CLEC16A: variants seen among roughly 807,000 people sequenced by gnomAD.
The protein encoded by CLEC16A is protein CLEC16A.
Under a neutral mutation model 109.5 loss-of-function variants are expected in CLEC16A, and 51 were observed. That is an observed-to-expected ratio of 0.47 (90% confidence interval 0.37 to 0.59). The LOEUF (loss-of-function observed/expected upper bound fraction) is 0.59, where lower values mean the gene tolerates loss of function less well. CLEC16A is among the 20% of genes least tolerant of loss of function. The probability of loss-of-function intolerance (pLI) is 0.00; values close to 1 mark genes in which losing one functional copy is unlikely to be tolerated. For synonymous variants in CLEC16A, 673 were observed against 564.2 expected (o/e 1.19, Z -2.73); for missense variants, 1,339 against 1,394.0 (o/e 0.96, Z 0.63).
At chr16:11,031,475 G>A (rs1345929739) in intron 13 of CLEC16A, among the ~76,000 whole-genome samples, 1 of 152,222 alleles carries the variant, frequency 6.6e-6, no homozygotes, top group African/African-American at 2.4e-5. Context: ...TCCCGCCTGG[G>A]CATCCTACCT....
intron 9 of CLEC16A, among the ~76,000 whole-genome samples, chr16:10,980,031 C>T (rs1255531489): frequency 2.0e-5 from 3 of 152,198 alleles, no homozygotes; most frequent in Non-Finnish European, 4.4e-5. Context: ...ACAAGCAGTC[C>T]AGACTCTCAG....
Position 11,051,518 on chromosome 16 carries a change from G to A in CLEC16A, c.1872G>A (p.Lys624=). Residue 624 remains lysine, a synonymous_variant, in exon 18 of 24, where the codon AAG becomes AAA. Coordinates refer to ENST00000409790, the MANE Select transcript of CLEC16A (RefSeq NM_015226.3). The part of the protein sequence containing the change: ...FEDEYRSMTM[K]PMNVEYLMMD... The stretch of plus-strand genomic sequence containing the variant: ...TCCTGTAATGTCTCTTCTAGATGAA[G>A]CCCATGAACGTGGAATATCTCATGA... 1 of 1,613,598 alleles carries A rather than the reference G, an allele frequency of 6.2e-7. No homozygotes were observed. Among genetic ancestry groups the A allele is most frequent in the African/African-American group, 1.3e-5 (1 of 75,058 alleles).
intron 18 of CLEC16A, among the ~76,000 whole-genome samples, chr16:11,056,402 C>G (rs528214474): frequency 6.6e-6 from 1 of 152,214 alleles, no homozygotes; most frequent in South Asian, 2.1e-4. Flanking sequence ...ATGGAGCAGT[C>G]TAGTATGTAA....
In CLEC16A at chr16:11,044,008, C is replaced by T; in HGVS notation, c.1771-20C>T. The T allele has an allele frequency of 6.3e-7, 1 of 1,590,440 alleles. No individual in the cohort carries two copies. On this transcript the variant is annotated intron_variant, in intron 15 of 23. Transcript: ENST00000409790. Reference sequence around the variant, plus strand: ...CTATATGAGACCTGCCTCCTTCACACCTTCCTTCTCTTTTAACAGGGTGCG... The same window carrying T: ...CTATATGAGACCTGCCTCCTTCACATCTTCCTTCTCTTTTAACAGGGTGCG...
chr16:11,122,324 T>C (rs2052481320), intron 20 of CLEC16A, among the ~76,000 whole-genome samples: 2 of 152,234 alleles, frequency 1.3e-5, no homozygotes, highest in South Asian at 4.1e-4. Flanking sequence ...AAACACTCCA[T>C]GTAAGACATT....
chr16:10,996,652 T>G (rs1221173052), intron 10 of CLEC16A, among the ~76,000 whole-genome samples: 1 of 152,022 alleles, frequency 6.6e-6, no homozygotes, highest in Non-Finnish European at 1.5e-5. Flanking sequence ...GCCCCATCAC[T>G]CTTGTGTGAA....
chr16:11,003,765 T>C (rs1337635033), intron 11 of CLEC16A, among the ~76,000 whole-genome samples: 6 of 152,146 alleles, frequency 3.9e-5, no homozygotes, highest in African/African-American at 1.4e-4. Context: ...ACTGATATAA[T>C]TATTCCCAAT....
At chr16:11,019,911 G>A (rs962992274) in intron 11 of CLEC16A, among the ~76,000 whole-genome samples, 13 of 152,128 alleles carry the variant, frequency 8.5e-5, no homozygotes, top group Non-Finnish European at 1.0e-4. Flanking sequence ...TAAAAAAGAC[G>A]ATTTTAAACT....
intron 19 of CLEC16A, among the ~76,000 whole-genome samples, chr16:11,093,194 C>T (rs1023786242): frequency 6.6e-6 from 1 of 152,256 alleles, no homozygotes; most frequent in Non-Finnish European, 1.5e-5. Context: ...GCTAGACCTG[C>T]TCAGCACAGC....
At chr16:10,962,786 T>C (rs777494757) in intron 3 of CLEC16A, among the ~76,000 whole-genome samples, 198 bp downstream of exon 3, 1 of 152,104 alleles carries the variant, frequency 6.6e-6, no homozygotes, top group Admixed American at 6.5e-5. Context: ...TGGCCAGGCA[T>C]GGTATCTCAT....
At chr16:11,026,644 GGT>G (rs1491113167) in intron 13 of CLEC16A, among the ~76,000 whole-genome samples, 3 of 127,566 alleles carry the variant, frequency 2.4e-5, no homozygotes, top group Admixed American at 7.8e-5. Context: ...GTTTGTTTGG[GGT>G]TTTTTTTTTT....
At chr16:11,112,475 A>C (rs1386562030) in intron 19 of CLEC16A, among the ~76,000 whole-genome samples, 2 of 146,192 alleles carry the variant, frequency 1.4e-5, no homozygotes, top group Non-Finnish European at 3.0e-5. Flanking sequence ...GCTGGACAAC[A>C]TAGCAAGATC....
intron 8 of CLEC16A, among the ~76,000 whole-genome samples, chr16:10,977,912 T>G (rs944048188): frequency 6.6e-6 from 1 of 152,112 alleles, no homozygotes; most frequent in African/African-American, 2.4e-5. Context: ...GTGAGAAGAC[T>G]ATAAAAGTGA....
At chr16:11,098,488 C>T (rs973298400) in intron 19 of CLEC16A, among the ~76,000 whole-genome samples, 1 of 152,218 alleles carries the variant, frequency 6.6e-6, no homozygotes, top group East Asian at 1.9e-4. Flanking sequence ...CGTGGGGTCC[C>T]AGCTGTGGCT....
chr16:10,995,198 C>T (rs1219571445), intron 10 of CLEC16A, among the ~76,000 whole-genome samples: 1 of 152,222 alleles, frequency 6.6e-6, no homozygotes, highest in African/African-American at 2.4e-5. Flanking sequence ...CATCTCTTGG[C>T]ACCTCTCAGC....
Position 11,060,911 on chromosome 16 carries a change from G to A in CLEC16A, c.2005G>A (p.Val669Met), listed in dbSNP as rs770016940. The A allele has an allele frequency of 6.2e-7, 1 of 1,610,860 alleles. No individual in the cohort carries two copies. The highest frequency in any genetic ancestry group is 1.1e-5 in the South Asian group (1 of 90,704). The stretch of plus-strand genomic sequence containing the variant: ...TGAACTGTTGGTCCAGGCCATCCGG[G>A]TGTTCTTCATGCTGCGTTCCCTGTC... ...DVEKTRRAIR[V>M]FFMLRSLSLQ... The change falls in exon 19 of 24, where the codon GTG (valine) becomes ATG (methionine). Residue 669 changes from valine (V) to methionine (M), a missense_variant. Val to Met is a conservative substitution (Grantham distance 21, BLOSUM62 1). Coordinates refer to ENST00000409790, the MANE Select transcript of CLEC16A (RefSeq NM_015226.3).
intron 22 of CLEC16A, among the ~76,000 whole-genome samples, chr16:11,129,661 C>T (rs907640649): frequency 6.6e-6 from 1 of 152,174 alleles, no homozygotes; most frequent in Non-Finnish European, 1.5e-5. Flanking sequence ...CTGCCTCCCG[C>T]TAACGGCTCA....
At chr16:10,960,973 C>CT (rs1325353667) in intron 2 of CLEC16A, among the ~76,000 whole-genome samples, 1 of 152,110 alleles carries the variant, frequency 6.6e-6, no homozygotes, top group African/African-American at 2.4e-5. Context: ...TACAATCACC[C>CT]TTTTTTCCCA....
rs569227684 is a variant in CLEC16A, at chr16:11,051,386, G to T, written c.1867-127G>T. The T allele has an allele frequency of 7.2e-6, 7 of 974,728 alleles. No homozygotes were observed. In the African/African-American group the frequency reaches 9.7e-5, roughly 14 times the overall value. The allele number at this position is 974,728 out of a possible 1,614,324, so 60.4% of individuals were successfully genotyped here. ...GTGCTTTACTTCAATCTAAATCCAG[G>T]ATTTAGATCACTCATTTACATTTAC... is the stretch of plus-strand genomic sequence containing the variant. On this transcript the variant is annotated intron_variant, in intron 17 of 23. Coordinates refer to ENST00000409790, the MANE Select transcript of CLEC16A (RefSeq NM_015226.3).
Sources: allele counts gnomAD v4.1 joint callset (sites outside exome capture counted in the v4.1 genomes callset), GRCh38; gene constraint gnomAD v4.1.1; transcripts MANE v1.5; gene names NCBI Gene and HGNC (gene_info 2026-07-23, HGNC 2026-07-21).